Variants in MDM4 observed in about 807,000 individuals in gnomAD.
MDM4 encodes protein Mdm4.
In MDM4, 2 loss-of-function variants were observed where a neutral mutation model predicts 60.2. The observed-to-expected ratio is 0.03, with a 90% CI of 0.01 to 0.10. MDM4 has a LOEUF of 0.10. MDM4 is among the 10% of genes least tolerant of loss of function. The probability of loss-of-function intolerance (pLI) is 1.00; values close to 1 mark genes in which losing one functional copy is unlikely to be tolerated. For missense variants in MDM4, 447 were observed against 577.5 expected (o/e 0.77, Z 2.32); for synonymous variants, 202 against 198.1 (o/e 1.02, Z -0.17).
rs549301802 is a variant in MDM4, at chr1:204,549,741, C to T, written c.*59C>T. The T allele has an allele frequency of 4.6e-4, 480 of 1,043,430 alleles. No homozygotes were observed. The Middle Eastern group carries it at 5.4e-3, about 12-fold the overall frequency. The allele number at this position is 1,043,430 out of a possible 1,614,324, so 64.6% of individuals were successfully genotyped here. On this transcript the variant is annotated 3_prime_UTR_variant, in exon 11 of 11. Coordinates refer to ENST00000367182, the MANE Select transcript of MDM4 (RefSeq NM_002393.5). ...TTCACTTACCACATTATTTGAAAATCAATCCTTTATTTAATTTTATTTCCA... is the reference window on the plus strand; with the variant it reads ...TTCACTTACCACATTATTTGAAAATTAATCCTTTATTTAATTTTATTTCCA...
chr1:204,538,375 C>T lies in MDM4; in HGVS notation c.511+67C>T. 3 of 857,300 alleles carry T rather than the reference C, an allele frequency of 3.5e-6. No individual in the cohort carries two copies. In the South Asian group the frequency reaches 4.4e-5, roughly 13 times the overall value. The allele number at this position is 857,300 out of a possible 1,614,324, so 53.1% of individuals were successfully genotyped here. A position where few individuals can be genotyped will look rare whatever the true frequency, so the allele number is the denominator to read the frequency against. ...CTCTTCCAACCTTTTTATTTTTAAT[C>T]TCTCCGTATGTGAAGTAGGAGAGGG... On this transcript the variant is annotated intron_variant, in intron 7 of 10. Coordinates refer to ENST00000367182, the MANE Select transcript of MDM4 (RefSeq NM_002393.5).
At chr1:204,523,015 ACCACGC>A (rs1397739990) in intron 1 of MDM4, among the ~76,000 whole-genome samples, 14 of 151,710 alleles carry the variant, frequency 9.2e-5, no homozygotes, top group African/African-American at 3.4e-4. Flanking sequence ...TGCATGTGCC[ACCACGC>A]TCGCCTAATT....
intron 8 of MDM4, 82 bp downstream of exon 8, chr1:204,543,026 T>C: frequency 1.7e-6 from 2 of 1,191,520 alleles, no homozygotes; most frequent in Non-Finnish European, 1.2e-6. Flanking sequence ...ACACATTATA[T>C]TCTCTAAGAA....
chr1:204,539,071 G>A (rs973449258), intron 7 of MDM4, among the ~76,000 whole-genome samples: 2 of 151,964 alleles, frequency 1.3e-5, no homozygotes, highest in Non-Finnish European at 2.9e-5. Context: ...GTTTCCCCAC[G>A]TTGGTTAGGC....
At chr1:204,525,435 G>A (rs1177199699) in intron 1 of MDM4, 49 bp from the exon 2 acceptor site, 8 of 1,521,742 alleles carry the variant, frequency 5.3e-6, no homozygotes, top group Non-Finnish European at 7.0e-6. Flanking sequence ...TGCTAAATAG[G>A]GAATTTTCTG....
chr1:204,529,289 T>G (rs2102342916), intron 3 of MDM4: 1 of 750,444 alleles, frequency 1.3e-6, no homozygotes, highest in Non-Finnish European at 2.4e-6. Context: ...TTCACCTCCT[T>G]CATGGAGATA....
Position 204,550,433 on chromosome 1 carries a change from G to A in MDM4, c.*751G>A, listed in dbSNP as rs1387326827. 1 of 207,338 alleles carries A rather than the reference G, an allele frequency of 4.8e-6. No homozygotes were observed. The highest frequency in any genetic ancestry group is 9.8e-6 in the Non-Finnish European group (1 of 101,956). 12.8% of individuals were successfully genotyped at this position (207,338 alleles called of 1,614,324 possible). ...TCCCGCCTCAGCCTTCCAAATTGCT[G>A]GGATTATAGTCATGAGGCACCTAGT... On this transcript the variant is annotated 3_prime_UTR_variant, in exon 11 of 11. Transcript: ENST00000367182.
rs374537107 is a variant in MDM4 at position 204,551,341 on chromosome 1, CT to C, written c.*1660del. Reference sequence around the variant, plus strand: ...GATTGCAGTCCTGAGCTACTGCCCCCTACCCTCTTTGCGTCTTAGGAGTCAT... The same window carrying C: ...GATTGCAGTCCTGAGCTACTGCCCCCACCCTCTTTGCGTCTTAGGAGTCAT... On this transcript the variant is annotated 3_prime_UTR_variant, in exon 11 of 11. Coordinates refer to ENST00000367182, the MANE Select transcript of MDM4 (RefSeq NM_002393.5). 3 of 231,914 alleles carry C rather than the reference CT, an allele frequency of 1.3e-5. No homozygotes were observed. The East Asian group carries it at 1.8e-4, about 14-fold the overall frequency. The allele number at this position is 231,914 out of a possible 1,614,324, so 14.4% of individuals were successfully genotyped here. A position where few individuals can be genotyped will look rare whatever the true frequency, so the allele number is the denominator to read the frequency against.
intron 3 of MDM4, chr1:204,528,798 G>C (rs1249708222): frequency 1.0e-5 from 12 of 1,200,688 alleles, no homozygotes; most frequent in Non-Finnish European, 1.5e-5. Flanking sequence ...ACTCTAGGAA[G>C]CCAGGAAAGG....
At position 204,557,062 on chromosome 1, in the gene MDM4, T is replaced by G. The variant is rs1284315821; in HGVS notation, c.*7380T>G. The G allele has an allele frequency of 5.0e-6, 1 of 201,202 alleles. No individual in the cohort carries two copies. The highest frequency in any genetic ancestry group is 2.3e-5 in the African/African-American group (1 of 43,490). 12.5% of individuals were successfully genotyped at this position (201,202 alleles called of 1,614,324 possible). A position where few individuals can be genotyped will look rare whatever the true frequency, so the allele number is the denominator to read the frequency against. On this transcript the variant is annotated 3_prime_UTR_variant, in exon 11 of 11. Coordinates refer to ENST00000367182, the MANE Select transcript of MDM4 (RefSeq NM_002393.5). ...TACCCTTTTCTACCTCATCATTTGT[T>G]GTAGGGATTAAATCCGGGAGAGCAA... is the stretch of plus-strand genomic sequence containing the variant.
chr1:204,551,521 G>A lies in MDM4; in HGVS notation c.*1839G>A. ...ATAGGGAGTATGGCTGTTGTGAAAA[G>A]GGAGGTAAAGAGAAATGGTAGATCT... On this transcript the variant is annotated 3_prime_UTR_variant, in exon 11 of 11. Transcript: ENST00000367182. 5.5e-6 allele frequency: 1 copy of A among 181,722 alleles called. No homozygotes were observed. The highest frequency in any genetic ancestry group is 1.0e-5 in the Non-Finnish European group (1 of 95,568). The allele number at this position is 181,722 out of a possible 1,614,324, so 11.3% of individuals were successfully genotyped here. A position where few individuals can be genotyped will look rare whatever the true frequency, so the allele number is the denominator to read the frequency against.
intron 6 of MDM4, 86 bp downstream of exon 6, chr1:204,537,583 C>T (rs1277848121): frequency 5.4e-6 from 5 of 917,936 alleles, no homozygotes; most frequent in East Asian, 2.4e-5. Flanking sequence ...AAGACCTTTC[C>T]CTGAATGTGG....
In MDM4 at chr1:204,550,437, TTA is replaced by T; in HGVS notation, c.*758_*759del. ...GCCTCAGCCTTCCAAATTGCTGGGA[TTA>T]TAGTCATGAGGCACCTAGTCTGGCC... is the stretch of plus-strand genomic sequence containing the variant. On this transcript the variant is annotated 3_prime_UTR_variant, in exon 11 of 11. Coordinates refer to ENST00000367182, the MANE Select transcript of MDM4 (RefSeq NM_002393.5). 4.8e-6 allele frequency: 1 copy of T among 207,334 alleles called. No homozygotes were observed. The highest frequency in any genetic ancestry group is 2.3e-5 in the African/African-American group (1 of 43,882). The allele number at this position is 207,334 out of a possible 1,614,324, so 12.8% of individuals were successfully genotyped here.
intron 3 of MDM4, among the ~76,000 whole-genome samples, chr1:204,527,391 C>T (rs192155260): frequency 6.6e-5 from 10 of 152,230 alleles, no homozygotes; most frequent in East Asian, 3.9e-4. Context: ...TGGTGGCTCA[C>T]GCCTGTAATC....
intron 1 of MDM4, among the ~76,000 whole-genome samples, chr1:204,518,240 A>C (rs774652619): frequency 1.3e-5 from 2 of 152,190 alleles, no homozygotes; most frequent in Non-Finnish European, 2.9e-5. Context: ...CTACAGCCTG[A>C]AACTCCTGGA....
chr1:204,524,167 C>T (rs535868561), intron 1 of MDM4, among the ~76,000 whole-genome samples: 27 of 152,284 alleles, frequency 1.8e-4, no homozygotes, highest in African/African-American at 5.5e-4. Context: ...AAATGAAGAA[C>T]AAAGAACAGG....
At chr1:204,547,022 AT>A (rs1196606388) in intron 10 of MDM4, 145 bp downstream of exon 10, 3 of 490,504 alleles carry the variant, frequency 6.1e-6, no homozygotes, top group Admixed American at 4.1e-5. Context: ...GTTTCTTTAC[AT>A]TTTTTTAAGA....
At chr1:204,519,560 T>C (rs1029177007) in intron 1 of MDM4, among the ~76,000 whole-genome samples, 6 of 152,108 alleles carry the variant, frequency 3.9e-5, no homozygotes, top group Non-Finnish European at 8.8e-5. Context: ...TTAAAGAACA[T>C]TGGCCTGGCA....
At chr1:204,527,935 CAAG>C (rs894631931) in intron 3 of MDM4, among the ~76,000 whole-genome samples, 3 of 151,694 alleles carry the variant, frequency 2.0e-5, no homozygotes, top group Non-Finnish European at 2.9e-5. Flanking sequence ...TTACACTTCT[CAAG>C]GAGACAAATC....
Sources: gnomAD v4.1 joint callset for allele counts (sites outside exome capture counted in the v4.1 genomes callset) on GRCh38, gnomAD v4.1.1 for gene constraint, MANE v1.5 for transcripts, NCBI Gene and HGNC (gene_info 2026-07-23, HGNC 2026-07-21) for gene names.